Variants in TRPC7 observed in about 807,000 individuals in gnomAD.
TRPC7 encodes transient receptor potential cation channel subfamily C member 7.
TRPC7 carries 42 observed loss-of-function variants against 90.1 expected under a neutral mutation model. The ratio of observed to expected loss-of-function variants is 0.47; its 90% CI spans 0.36 to 0.60. TRPC7 has a LOEUF of 0.60. Ranked by LOEUF, TRPC7 falls within the 20% of genes least tolerant of loss-of-function variation. The probability of loss-of-function intolerance (pLI) is 0.00; values close to 1 mark genes in which losing one functional copy is unlikely to be tolerated. For missense variants in TRPC7, 955 were observed against 1,112.3 expected (o/e 0.86, Z 2.01); for synonymous variants, 451 against 436.3 (o/e 1.03, Z -0.42).
intron 3 of TRPC7, 96 bp downstream of exon 3, chr5:136,315,501 C>G: frequency 7.4e-7 from 1 of 1,349,372 alleles, no homozygotes; most frequent in South Asian, 1.4e-5. Context: ...CATGGTCACC[C>G]TGTGGGAACA....
At chr5:136,335,903 CAAAAAAAAAAAAAAAA>C (rs869287763) in intron 2 of TRPC7, among the ~76,000 whole-genome samples, 31 of 38,680 alleles carry the variant, frequency 8.0e-4, no homozygotes, top group African/African-American at 3.3e-3. Flanking sequence ...GACTCCGTCT[CAAAAAAAAAAAAAAAA>C]AAAAAAAAAA....
At chr5:136,298,113 CA>C (rs1758245529) in intron 3 of TRPC7, among the ~76,000 whole-genome samples, 1 of 152,152 alleles carries the variant, frequency 6.6e-6, no homozygotes, top group Non-Finnish European at 1.5e-5. Flanking sequence ...ACAAAAGAAA[CA>C]AATGATATTC....
intron 2 of TRPC7, among the ~76,000 whole-genome samples, chr5:136,323,118 G>A (rs1373845638): frequency 6.6e-6 from 1 of 152,182 alleles, no homozygotes; most frequent in Non-Finnish European, 1.5e-5. Context: ...TGTTCTTGTG[G>A]TAGTGGATAA....
At chr5:136,218,206 A>G (rs916590018) in intron 10 of TRPC7, among the ~76,000 whole-genome samples, 14 of 147,902 alleles carry the variant, frequency 9.5e-5, no homozygotes, top group Admixed American at 2.7e-4. Context: ...ATTATATAAA[A>G]TATATATACA....
chr5:136,226,181 T>C lies in TRPC7; in HGVS notation c.2115A>G (p.Leu705=). 1 of 1,556,298 alleles carries C rather than the reference T, an allele frequency of 6.4e-7. No homozygotes were observed. Among genetic ancestry groups the C allele is most frequent in the South Asian group, 1.2e-5 (1 of 84,478 alleles). ...TTGGCACTAGATTAAAAGGAGCAGGTAGAGTTCTTCCTTCATCAAAGTAAG... is the reference window on the plus strand; with the variant it reads ...TTGGCACTAGATTAAAAGGAGCAGGCAGAGTTCTTCCTTCATCAAAGTAAG... ...WLSYFDEGRT[L]PAPFNLVPSP... Residue 705 remains leucine (L), a synonymous_variant, in exon 9 of 12, where the codon CTA becomes CTG. Coordinates refer to ENST00000513104, the MANE Select transcript of TRPC7 (RefSeq NM_020389.3).
At chr5:136,241,534 G>T (rs1391153115) in intron 7 of TRPC7, among the ~76,000 whole-genome samples, 1 of 151,728 alleles carries the variant, frequency 6.6e-6, no homozygotes, top group Non-Finnish European at 1.5e-5. Context: ...CAGCTAGGGT[G>T]TGAGAAAGGC....
intron 3 of TRPC7, among the ~76,000 whole-genome samples, chr5:136,302,698 G>A (rs1003442072): frequency 3.3e-5 from 5 of 152,190 alleles, no homozygotes; most frequent in South Asian, 2.1e-4. Flanking sequence ...AAACAAACTC[G>A]ACAGTAGTTC....
At chr5:136,230,897 G>A (rs916743047) in intron 8 of TRPC7, among the ~76,000 whole-genome samples, 6 of 152,190 alleles carry the variant, frequency 3.9e-5, no homozygotes, top group Non-Finnish European at 5.9e-5. Flanking sequence ...TGATTGCCCT[G>A]TATGATCTCC....
rs377216472 is a variant in TRPC7 at position 136,266,311 on chromosome 5, G to T, written c.1254C>A (p.Asn418Lys). Residue 418 changes from asparagine (N) to lysine (K), a missense_variant, in exon 5 of 12, where the codon AAC becomes AAA. Around this residue, in one of 4 missense-constraint regions of TRPC7, gnomAD observed 484 missense variants for 509.6 expected, o/e 0.95. Coordinates refer to ENST00000513104, the MANE Select transcript of TRPC7 (RefSeq NM_020389.3). ...GTTTTGGGTAGTCTGTGAAGGTTTC[G>T]TTTGGCAGGGTTTTAACACCTTCAA... ...DRFEGVKTLP[N>K]ETFTDYPKQI... The T allele has an allele frequency of 6.2e-6, 10 of 1,613,750 alleles. No individual in the cohort carries two copies. In the African/African-American group the frequency reaches 6.7e-5, roughly 11 times the overall value.
intron 5 of TRPC7, among the ~76,000 whole-genome samples, chr5:136,253,605 A>G (rs995698980): frequency 4.6e-5 from 7 of 151,860 alleles, no homozygotes; most frequent in Non-Finnish European, 8.8e-5. Context: ...ATCATGAACC[A>G]CTCCCATATA....
At chr5:136,333,443 G>T (rs1394370596) in intron 2 of TRPC7, among the ~76,000 whole-genome samples, 2 of 152,208 alleles carry the variant, frequency 1.3e-5, no homozygotes, top group Non-Finnish European at 2.9e-5. Context: ...ACAGGAGCTG[G>T]ATCATGGAGG....
At chr5:136,340,599 G>A (rs983316559) in intron 2 of TRPC7, among the ~76,000 whole-genome samples, 1 of 151,890 alleles carries the variant, frequency 6.6e-6, no homozygotes, top group African/African-American at 2.4e-5. Flanking sequence ...TAATTGTGGA[G>A]TAGCCTTTTA....
intron 2 of TRPC7, among the ~76,000 whole-genome samples, chr5:136,326,668 T>A (rs1418486863): frequency 1.3e-5 from 2 of 152,220 alleles, no homozygotes; most frequent in Non-Finnish European, 1.5e-5. Context: ...TGAGGTCAGT[T>A]AATGTGGTTG....
chr5:136,315,993 T>A lies in TRPC7; in HGVS notation c.781-214A>T, dbSNP rs1759011875. The A allele has an allele frequency of 5.3e-5, 30 of 566,692 alleles. 1 individual carries two copies. The South Asian group carries it at 6.7e-4, about 13-fold the overall frequency. The allele number at this position is 566,692 out of a possible 1,614,324, so 35.1% of individuals were successfully genotyped here. ...GAAGGACATTTTCTCTAGGTCAGCA[T>A]GTGTGAAGGTGTGGTCCATGGGCCA... On this transcript the variant is annotated intron_variant, in intron 2 of 11. Transcript: ENST00000513104.
intron 3 of TRPC7, among the ~76,000 whole-genome samples, chr5:136,287,706 A>AAAAAAAAAAAAAAAAAAAAAAAAAAAC: frequency 8.6e-6 from 1 of 116,642 alleles, no homozygotes; most frequent in Non-Finnish European, 1.7e-5. Context: ...AAAAAAAAAA[A>AAAAAAAAAAAAAAAAAAAAAAAAAAAC]AAAAAAAAAA....
chr5:136,277,902 T>G (rs2149816704), intron 3 of TRPC7, among the ~76,000 whole-genome samples: 1 of 152,324 alleles, frequency 6.6e-6, no homozygotes, highest in Middle Eastern at 3.4e-3. Context: ...CTGCCTAGAT[T>G]TTCCCAGCGA....
At chr5:136,328,321 C>A (rs969327769) in intron 2 of TRPC7, among the ~76,000 whole-genome samples, 1 of 152,184 alleles carries the variant, frequency 6.6e-6, no homozygotes, top group East Asian at 1.9e-4. Flanking sequence ...CCAGCTCTGC[C>A]ACTGGTTACC....
chr5:136,329,169 G>A (rs1286092460), intron 2 of TRPC7, among the ~76,000 whole-genome samples: 2 of 152,202 alleles, frequency 1.3e-5, no homozygotes, highest in South Asian at 4.2e-4. Flanking sequence ...TGCTCTGCTT[G>A]TTGTTTTTTT....
intron 7 of TRPC7, among the ~76,000 whole-genome samples, chr5:136,242,532 C>A (rs1341786947): frequency 6.6e-6 from 1 of 152,186 alleles, no homozygotes; most frequent in East Asian, 1.9e-4. Context: ...CTGGATCTGG[C>A]TACCTCTTCA....
Sources: allele counts gnomAD v4.1 joint callset (sites outside exome capture counted in the v4.1 genomes callset), GRCh38; gene constraint gnomAD v4.1.1; regional missense constraint gnomAD v4.1.1; transcripts MANE v1.5; gene names NCBI Gene and HGNC (gene_info 2026-07-23, HGNC 2026-07-21).